GP2: variants seen among roughly 807,000 people sequenced by gnomAD.
The protein encoded by GP2 is glycoprotein 2, also known as pancreatic secretory granule membrane major glycoprotein GP2.
Under a neutral mutation model 60.8 loss-of-function variants are expected in GP2, and 58 were observed. That is an observed-to-expected ratio of 0.95 (90% confidence interval 0.77 to 1.19). GP2 has a LOEUF of 1.19. Among genes scored for constraint, GP2 ranks in the 50% most tolerant of loss-of-function variants. The pLI, the probability that GP2 is intolerant of heterozygous loss-of-function variation, is 0.00. For synonymous variants in GP2, 280 were observed against 253.4 expected (o/e 1.10, Z -1.00); for missense variants, 647 against 667.4 (o/e 0.97, Z 0.34).
At chr16:20,327,407 A>T in intron 1 of GP2, 60 bp downstream of exon 1, 1 of 1,168,958 alleles carries the variant, frequency 8.6e-7, no homozygotes, top group Non-Finnish European at 1.1e-6. Flanking sequence ...TAGCATGTCC[A>T]GTGGATCAAG....
rs1354854523 is a variant in GP2, at chr16:20,324,094, T to C, written c.257A>G (p.Asp86Gly). 1 of 1,614,190 alleles carries C rather than the reference T, an allele frequency of 6.2e-7. No individual in the cohort carries two copies. Among genetic ancestry groups the C allele is most frequent in the Admixed American group, 1.7e-5 (1 of 60,024 alleles). Reference protein sequence around the residue: ...TENSAGSQGCDKNMSGWYRFV... With the variant: ...TENSAGSQGCGKNMSGWYRFV... ...GCGGTACCAGCCGCTCATGTTTTTA[T>C]CGCACCCCTGGGACCCTGCTGAGTT... The change falls in exon 3 of 11, where the codon GAT becomes GGT. Residue 86 changes from aspartate to glycine, a missense_variant. Physicochemically the swap from Asp to Gly is moderately conservative, Grantham distance 94 (BLOSUM62 -1). Transcript: ENST00000302555.
Position 20,324,241 on chromosome 16 carries a change from A to G in GP2, c.110T>C (p.Ile37Thr), listed in dbSNP as rs185433538. 3.8e-4 allele frequency: 608 copies of G among 1,599,034 alleles called. 1 individual carries two copies. Among genetic ancestry groups the G allele is most frequent in the African/African-American group, 6.8e-4 (51 of 74,600 alleles). Reference protein sequence around the residue: ...SAVQRGYGNPIEASSYGLDLD... With the variant: ...SAVQRGYGNPTEASSYGLDLD... ...GTCCAGCCCATACGAACTGGCTTCA[A>G]TGGGGTTTCCATAACCTGGGAAAGT... The change falls in exon 3 of 11, where the codon ATT becomes ACT. Residue 37 changes from isoleucine to threonine, a missense_variant. By Grantham distance (89) the Ile-to-Thr change is moderately conservative. Coordinates refer to ENST00000302555, the MANE Select transcript of GP2 (RefSeq NM_001502.4).
rs1238154110 is a variant in GP2, at chr16:20,309,599, C to G, written c.*1624G>C. ...TGAAGCTAGAATGTCCATATTTAAT[C>G]AAGGGATGAGTGAACAGGAAAAGCT... is the stretch of plus-strand genomic sequence containing the variant. On this transcript the variant is annotated 3_prime_UTR_variant, in exon 11 of 11. Coordinates refer to ENST00000302555, the MANE Select transcript of GP2 (RefSeq NM_001502.4). The G allele has an allele frequency of 6.6e-6, 1 of 152,084 alleles. No individual in the cohort carries two copies. The highest frequency in any genetic ancestry group is 1.5e-5 in the Non-Finnish European group (1 of 68,026). The allele number at this position is 152,084 out of a possible 1,614,324, so 9.4% of individuals were successfully genotyped here.
chr16:20,316,110 A>C, intron 8 of GP2, 70 bp from the exon 9 acceptor site: 1 of 967,744 alleles, frequency 1.0e-6, no homozygotes, highest in Non-Finnish European at 1.7e-6. Flanking sequence ...TGCTCCTACA[A>C]TGGGCAGCTC....
Position 20,313,204 on chromosome 16 carries a change from T to G in GP2, c.1546+1453A>C, listed in dbSNP as rs1489267639. 3.3e-5 allele frequency among the ~76,000 whole-genome samples: 5 copies of G among 152,270 alleles called. No homozygotes were observed. The East Asian group carries it at 7.7e-4, about 23-fold the overall frequency. ...CATTTTGTCCAAGACATATTTCTAG[T>G]ACCCTATAAATATGTAAAAAAATGT... On this transcript the variant is annotated intron_variant, in intron 10 of 10. Coordinates refer to ENST00000302555, the MANE Select transcript of GP2 (RefSeq NM_001502.4).
At chr16:20,320,054 T>C (rs1254860033) in intron 5 of GP2, among the ~76,000 whole-genome samples, 2 of 152,140 alleles carry the variant, frequency 1.3e-5, no homozygotes, top group Non-Finnish European at 2.9e-5. Flanking sequence ...CCATCCCTAA[T>C]TGAAATTATC....
rs768970884 is a variant in GP2 at position 20,324,133 on chromosome 16, A to G, written c.218T>C (p.Phe73Ser). The G allele has an allele frequency of 6.2e-7, 1 of 1,614,044 alleles. No individual in the cohort carries two copies. Among genetic ancestry groups the G allele is most frequent in the African/African-American group, 1.3e-5 (1 of 75,034 alleles). ...CCCTGCTGAGTTCTCTGTGCTTCGG[A>G]AGGGTTCATCCAGGAGGGTGTAATT... ...CQNYTLLDEP[F>S]RSTENSAGSQ... The change falls in exon 3 of 11, where the codon TTC becomes TCC. Residue 73 changes from phenylalanine to serine, a missense_variant. Transcript: ENST00000302555.
chr16:20,319,717 A>AATC lies in GP2; in HGVS notation c.907_909dup (p.Asp303dup). Reference sequence around the variant, plus strand: ...TTGAGGATGGTGTCTCTGATGATGAAATCATTGACCAAGGAGAGGGTGTTT... The same window carrying AATC: ...TTGAGGATGGTGTCTCTGATGATGAAATCATCATTGACCAAGGAGAGGGTGTTT... On this transcript the variant is annotated inframe_insertion, in exon 6 of 11. Transcript: ENST00000302555. 4 of 1,611,154 alleles carry AATC rather than the reference A, an allele frequency of 2.5e-6. No homozygotes were observed. The highest frequency in any genetic ancestry group is 3.4e-6 in the Non-Finnish European group (4 of 1,177,296).
intron 4 of GP2, among the ~76,000 whole-genome samples, chr16:20,321,372 T>C (rs1964352822): frequency 6.6e-6 from 1 of 152,234 alleles, no homozygotes. Context: ...CCTTCTCAAA[T>C]GCTAGGTGCA....
rs563592156 is a variant in GP2 at position 20,316,108 on chromosome 16, C to T, written c.1417-68G>A. The stretch of plus-strand genomic sequence containing the variant: ...CTGGATTCTATCTAGACTGCTCCTA[C>T]AATGGGCAGCTCTGGACCAAGAACT... On this transcript the variant is annotated intron_variant, in intron 8 of 10. Coordinates refer to ENST00000302555, the MANE Select transcript of GP2 (RefSeq NM_001502.4). 30 of 974,114 alleles carry T rather than the reference C, an allele frequency of 3.1e-5. No individual in the cohort carries two copies. In the East Asian group the frequency reaches 7.1e-4, roughly 23 times the overall value. The allele number at this position is 974,114 out of a possible 1,614,324, so 60.3% of individuals were successfully genotyped here.
Position 20,319,633 on chromosome 16 carries a change from G to A in GP2, c.994C>T (p.Gln332Ter), listed in dbSNP as rs751104772. Residue 332 changes from glutamine to a stop codon, truncating the protein, a stop_gained, in exon 6 of 11, where the codon CAG (glutamine) becomes TAG (stop). Transcript: ENST00000302555. LOFTEE classifies it high-confidence loss of function. ...DMKVSLQAALQPIVSSLNVSV... is the reference protein window; with the variant it reads ...DMKVSLQAAL The stretch of plus-strand genomic sequence containing the variant: ...TCAATGCCATACCTTACAATGGGCT[G>A]CAAGGCAGCTTGGAGGCTGACTTTC... The A allele has an allele frequency of 2.5e-6, 4 of 1,612,258 alleles. No individual in the cohort carries two copies. The highest frequency in any genetic ancestry group is 3.4e-6 in the Non-Finnish European group (4 of 1,178,260).
rs750588753 is a variant in GP2, at chr16:20,322,941, G to A, written c.574C>T (p.Arg192Cys). 1.7e-5 allele frequency: 28 copies of A among 1,612,620 alleles called. No homozygotes were observed. The highest frequency in any genetic ancestry group is 2.3e-5 in the Non-Finnish European group (27 of 1,178,828). ...AGGGCAAGGCACTCCTCCTCGGGGCGGCAGGCCTTCTCACACTTGTCCTCC... is the reference window on the plus strand; with the variant it reads ...AGGGCAAGGCACTCCTCCTCGGGGCAGCAGGCCTTCTCACACTTGTCCTCC... ...TVEDKCEKAC[R>C]PEEECLALNS... is the part of the protein sequence containing the mutation. The change falls in exon 4 of 11, where the codon CGC becomes TGC. Residue 192 changes from arginine (R) to cysteine (C), a missense_variant. Arg to Cys is a radical substitution (Grantham distance 180). Transcript: ENST00000302555.
At chr16:20,316,408 T>C (rs1054761882) in intron 8 of GP2, among the ~76,000 whole-genome samples, 5 of 152,194 alleles carry the variant, frequency 3.3e-5, no homozygotes, top group African/African-American at 1.2e-4. Context: ...CAGTTCCAAA[T>C]GCAGGCAAGA....
Position 20,314,605 on chromosome 16 carries a change from A to G in GP2, c.1546+52T>C, listed in dbSNP as rs564709097. On this transcript the variant is annotated intron_variant, in intron 10 of 10. Transcript: ENST00000302555. ...GGCCATAAAAGGGGCAGAATTGAAA[A>G]GAGAAAGGAGAGTTGGGAAAGCTGT... The G allele has an allele frequency of 2.2e-5, 27 of 1,250,550 alleles. 1 individual carries two copies. The South Asian group carries it at 3.1e-4, about 14-fold the overall frequency. 77.5% of individuals were successfully genotyped at this position (1,250,550 alleles called of 1,614,324 possible).
chr16:20,311,333 C>T, intron 10 of GP2, 52 bp from the exon 11 acceptor site: 3 of 1,123,984 alleles, frequency 2.7e-6, no homozygotes, highest in Non-Finnish European at 4.1e-6. Context: ...GAGTCAGGAG[C>T]AAACATAAGT....
At chr16:20,325,686 T>C (rs1044879972) in intron 2 of GP2, among the ~76,000 whole-genome samples, 14 of 152,162 alleles carry the variant, frequency 9.2e-5, no homozygotes, top group African/African-American at 3.4e-4. Context: ...GTGCTTACAA[T>C]ACACATTAAA....
chr16:20,312,104 T>C (rs1314684154), intron 10 of GP2, among the ~76,000 whole-genome samples: 2 of 152,198 alleles, frequency 1.3e-5, no homozygotes. Flanking sequence ...AAACACTATA[T>C]AAATGTTGGT....
intron 8 of GP2, among the ~76,000 whole-genome samples, 170 bp from the exon 9 acceptor site, chr16:20,316,210 T>C (rs1057035312): frequency 5.9e-5 from 9 of 152,220 alleles, no homozygotes; most frequent in African/African-American, 2.2e-4. Flanking sequence ...ATCACTGTCA[T>C]GCCAAACAAA....
intron 9 of GP2, among the ~76,000 whole-genome samples, chr16:20,315,190 T>C (rs758804432): frequency 6.6e-6 from 1 of 152,212 alleles, no homozygotes. Context: ...ATGGTGATAA[T>C]GCTTACCTCC....
Sources: gnomAD v4.1 joint callset for allele counts (sites outside exome capture counted in the v4.1 genomes callset) on GRCh38, gnomAD v4.1.1 for gene constraint, MANE v1.5 for transcripts, NCBI Gene and HGNC (gene_info 2026-07-23, HGNC 2026-07-21) for gene names.